RS1: variants seen among roughly 807,000 people sequenced by gnomAD.
RS1 encodes the protein retinoschisin.
RS1 carries 2 observed loss-of-function variants against 20.8 expected under a neutral mutation model. That is an observed-to-expected ratio of 0.10 (90% CI 0.04 to 0.30). The LOEUF (loss-of-function observed/expected upper bound fraction) is 0.30, where lower values mean the gene tolerates loss of function less well. Ranked by LOEUF, RS1 falls within the 10% of genes least tolerant of loss-of-function variation. RS1 has a pLI of 1.00. For missense variants in RS1, 151 were observed against 189.8 expected, an observed-to-expected ratio of 0.80 and a Z score of 1.20; for synonymous variants, 70 against 75.8, an observed-to-expected ratio of 0.92 and a Z score of 0.40.
Position 18,656,680 on chromosome X carries a change from C to G in RS1, c.157G>C (p.Gly53Arg). The G allele has an allele frequency of 8.3e-7, 1 of 1,210,401 alleles. No individual in the cohort carries two copies. Among genetic ancestry groups the G allele is most frequent in the Non-Finnish European group, 1.1e-6 (1 of 894,404 alleles). Residue 53 changes from glycine (G) to arginine (R), a missense_variant, in exon 3 of 6, where the codon GGT becomes CGT. Coordinates refer to ENST00000379984, the MANE Select transcript of RS1 (RefSeq NM_000330.4). ...QGGPNALWSA[G>R]ATSLDCIPEC... ...GGTATACAGTCCAAGGAGGTGGCAC[C>G]TGCAGACCACAGAGCATTGGGTCCT...
intron 3 of RS1, among the ~76,000 whole-genome samples, chrX:18,651,261 G>T (rs2147198793): frequency 1.0e-5 from 1 of 99,606 alleles, no homozygotes; most frequent in East Asian, 3.0e-4. Flanking sequence ...GTGTGTGTGT[G>T]TGTGAGAGAG....
At chrX:18,643,990 G>A (rs1927676042) in intron 5 of RS1, among the ~76,000 whole-genome samples, 1 of 110,909 alleles carries the variant, frequency 9.0e-6, no homozygotes, top group Admixed American at 9.6e-5. Context: ...TTGGCTAATG[G>A]GTAACTTGCT....
intron 3 of RS1, chrX:18,653,615 T>C: frequency 8.8e-7 from 1 of 1,130,706 alleles, no homozygotes; most frequent in South Asian, 1.9e-5. Flanking sequence ...TTAACACCAA[T>C]GAATCAACCA....
chrX:18,642,778 G>A (rs1003416165), intron 5 of RS1, among the ~76,000 whole-genome samples: 1 of 112,033 alleles, frequency 8.9e-6, no homozygotes, highest in African/African-American at 3.2e-5. Context: ...AGTGGCTCAC[G>A]CCTGTAATCC....
intron 2 of RS1, among the ~76,000 whole-genome samples, chrX:18,657,217 CTTTTTTTT>C (rs749358875): frequency 3.1e-5 from 2 of 65,138 alleles, no homozygotes; most frequent in Non-Finnish European, 5.4e-5. Context: ...AAAAAAAATA[CTTTTTTTT>C]TTTTTTTTTT....
chrX:18,655,560 C>T (rs1012634768), intron 3 of RS1, among the ~76,000 whole-genome samples: 24 of 111,767 alleles, frequency 2.1e-4, no homozygotes, highest in African/African-American at 7.1e-4. Context: ...ACTGGTCTAC[C>T]GTGGGTAGGC....
rs7879570 is a variant in RS1, at chrX:18,649,297, G to A, written c.185-1965C>T. The stretch of plus-strand genomic sequence containing the variant: ...GTCGCACAGGCTGGAGTGCTGTGGC[G>A]CAGTCATAGCTCTCTGCAACTCTAA... On this transcript the variant is annotated intron_variant, in intron 3 of 5. Coordinates refer to ENST00000379984, the MANE Select transcript of RS1 (RefSeq NM_000330.4). 5.5e-3 allele frequency among the ~76,000 whole-genome samples: 616 copies of A among 111,262 alleles called. 6 individuals carry two copies. Among genetic ancestry groups the A allele is most frequent in the African/African-American group, 0.019 (567 of 30,631 alleles).
rs768289707 is a variant in RS1 at position 18,653,525 on chromosome X, C to T, written c.184+3128G>A. ...GCGCTCCTGACATACCATGAGAATG[C>T]GGCACTGACGGGCAAGTGACTTCTG... is the stretch of plus-strand genomic sequence containing the variant. On this transcript the variant is annotated intron_variant, in intron 3 of 5. Transcript: ENST00000379984. 8.3e-7 allele frequency: 1 copy of T among 1,211,555 alleles called. No individual in the cohort carries two copies.
intron 5 of RS1, 78 bp downstream of exon 5, chrX:18,644,352 A>G (rs772243098): frequency 1.8e-5 from 16 of 898,877 alleles, no homozygotes; most frequent in Non-Finnish European, 2.6e-5. Flanking sequence ...GACAGAGGGC[A>G]GTGACAGGAG....
At chrX:18,660,080 C>T (rs963635560) in intron 1 of RS1, among the ~76,000 whole-genome samples, 1 of 111,544 alleles carries the variant, frequency 9.0e-6, no homozygotes, top group African/African-American at 3.3e-5. Context: ...CTTCCTGTTT[C>T]GTTGGGTCTT....
intron 1 of RS1, among the ~76,000 whole-genome samples, chrX:18,662,450 C>T (rs1044259791): frequency 6.3e-5 from 7 of 110,734 alleles, no homozygotes; most frequent in Non-Finnish European, 1.1e-4. Flanking sequence ...TATCCCTCCC[C>T]GCTCCCCCAC....
intron 3 of RS1, among the ~76,000 whole-genome samples, chrX:18,652,040 C>T (rs1313839587): frequency 2.7e-5 from 3 of 110,577 alleles, no homozygotes; most frequent in Non-Finnish European, 1.9e-5. Context: ...GCACCCTTCA[C>T]ACCTGTCACG....
At chrX:18,653,357 G>A (rs757460356) in intron 3 of RS1, 104 of 1,178,694 alleles carry the variant, frequency 8.8e-5, no homozygotes, top group South Asian at 4.1e-4. Flanking sequence ...TGGGGGGCCC[G>A]GGCATTAGCC....
At chrX:18,644,277 AAG>A (rs1457854545) in intron 5 of RS1, among the ~76,000 whole-genome samples, 151 bp downstream of exon 5, 3 of 111,948 alleles carry the variant, frequency 2.7e-5, no homozygotes, top group Non-Finnish European at 5.6e-5. Context: ...AAGCCCAGGA[AAG>A]AGAGCACAGC....
intron 1 of RS1, among the ~76,000 whole-genome samples, chrX:18,665,504 A>T (rs1174739324): frequency 9.0e-6 from 1 of 111,050 alleles, no homozygotes; most frequent in Non-Finnish European, 1.9e-5. Context: ...GCCTCCGTCC[A>T]TAGAATTTCT....
At chrX:18,646,211 GCA>G in intron 4 of RS1, 1 of 1,077,925 alleles carries the variant, frequency 9.3e-7, no homozygotes, top group Non-Finnish European at 1.3e-6. Context: ...GTGTGCAGTG[GCA>G]CACAATCTCG....
At chrX:18,656,799 A>G in intron 2 of RS1, 41 bp from the exon 3 acceptor site, 1 of 1,090,096 alleles carries the variant, frequency 9.2e-7, no homozygotes, top group Non-Finnish European at 1.3e-6. Flanking sequence ...AGTCACGGTC[A>G]AAGGCAACTG....
intron 3 of RS1, among the ~76,000 whole-genome samples, chrX:18,652,298 G>A (rs947725085): frequency 8.9e-6 from 1 of 111,940 alleles, no homozygotes; most frequent in African/African-American, 3.2e-5. Context: ...CACTGACTGC[G>A]ACCTCTGGCC....
intron 3 of RS1, among the ~76,000 whole-genome samples, chrX:18,654,089 G>A (rs772087593): frequency 1.8e-5 from 2 of 110,772 alleles, no homozygotes; most frequent in South Asian, 3.9e-4. Flanking sequence ...GTGTAGGGGA[G>A]ACAGCTTTGG....
Sources: allele counts gnomAD v4.1 joint callset (sites outside exome capture counted in the v4.1 genomes callset), GRCh38; gene constraint gnomAD v4.1.1; transcripts MANE v1.5; gene names NCBI Gene and HGNC (gene_info 2026-07-23, HGNC 2026-07-21).